PTPRM: variants seen among roughly 807,000 people sequenced by gnomAD.
The protein encoded by PTPRM is receptor-type tyrosine-protein phosphatase mu.
Under a neutral mutation model 186.7 loss-of-function variants are expected in PTPRM, and 47 were observed. The observed-to-expected ratio is 0.25, with a 90% CI of 0.20 to 0.32. PTPRM has a LOEUF of 0.32. Among genes scored for constraint, PTPRM ranks in the 10% least tolerant of loss-of-function variants. The probability of loss-of-function intolerance (pLI) is 1.00; values close to 1 mark genes in which losing one functional copy is unlikely to be tolerated. For missense variants in PTPRM, 1,494 were observed against 1,865.0 expected, an observed-to-expected ratio of 0.80 and a Z score of 3.66; for synonymous variants, 668 against 674.9, an observed-to-expected ratio of 0.99 and a Z score of 0.16.
intron 14 of PTPRM, among the ~76,000 whole-genome samples, chr18:8,224,494 A>G (rs1031770862): frequency 1.3e-5 from 2 of 152,292 alleles, no homozygotes; most frequent in Non-Finnish European, 2.9e-5. Flanking sequence ...ACAGATTGCC[A>G]TTGAGACTTG....
chr18:7,974,885 C>T (rs925283757), intron 7 of PTPRM, among the ~76,000 whole-genome samples: 1 of 152,162 alleles, frequency 6.6e-6, no homozygotes, highest in Non-Finnish European at 1.5e-5. Flanking sequence ...TAACGTACTT[C>T]AGTAATGACA....
chr18:7,915,722 G>A (rs973556492), intron 4 of PTPRM, among the ~76,000 whole-genome samples: 6 of 152,002 alleles, frequency 3.9e-5, no homozygotes, highest in Admixed American at 6.6e-5. Context: ...GCATATATTC[G>A]GAGATAATAA....
intron 14 of PTPRM, among the ~76,000 whole-genome samples, chr18:8,186,387 A>G (rs1179073101): frequency 6.6e-6 from 1 of 151,670 alleles, no homozygotes; most frequent in African/African-American, 2.4e-5. Context: ...GAATCACCCC[A>G]TCTTGATGGT....
intron 5 of PTPRM, among the ~76,000 whole-genome samples, chr18:7,930,764 T>C (rs16952673): frequency 0.028 from 4,285 of 152,212 alleles, 205 homozygotes; most frequent in African/African-American, 0.098. Flanking sequence ...CCTGTGAAAA[T>C]GGCCAAGGTT....
chr18:8,085,764 C>T lies in PTPRM; in HGVS notation c.1645C>T (p.Leu549=). The T allele has an allele frequency of 6.2e-7, 1 of 1,613,074 alleles. No individual in the cohort carries two copies. The highest frequency in any genetic ancestry group is 8.5e-7 in the Non-Finnish European group (1 of 1,179,218). The part of the protein sequence containing the change: ...VSKLGNETHF[L]FFGLYPGTTY... ...AAAGCTGGGAAATGAAACCCATTTTCTGTTTTTTGGACTGTATCCGGGGAC... is the reference window on the plus strand; with the variant it reads ...AAAGCTGGGAAATGAAACCCATTTTTTGTTTTTTGGACTGTATCCGGGGAC... Residue 549 remains leucine (L), a synonymous_variant, in exon 10 of 33, where the codon CTG becomes TTG. Coordinates refer to ENST00000580170, the MANE Select transcript of PTPRM (RefSeq NM_001105244.2).
intron 2 of PTPRM, among the ~76,000 whole-genome samples, chr18:7,842,459 T>G (rs2046371556): frequency 1.3e-5 from 2 of 152,202 alleles, no homozygotes; most frequent in Admixed American, 6.5e-5. Flanking sequence ...GGTGCCTAGT[T>G]GTTTGGTCAA....
intron 2 of PTPRM, among the ~76,000 whole-genome samples, chr18:7,873,439 G>A (rs1047815847): frequency 6.6e-6 from 1 of 152,160 alleles, no homozygotes; most frequent in Non-Finnish European, 1.5e-5. Flanking sequence ...TTTTCTGTGT[G>A]ACCTTAGGGA....
At chr18:7,746,194 C>T (rs1036313004) in intron 1 of PTPRM, among the ~76,000 whole-genome samples, 9 of 151,974 alleles carry the variant, frequency 5.9e-5, no homozygotes, top group African/African-American at 2.2e-4. Flanking sequence ...GGCACATCAT[C>T]ATCAAATAGC....
intron 1 of PTPRM, among the ~76,000 whole-genome samples, chr18:7,769,448 A>G (rs1420869671): frequency 6.6e-6 from 1 of 152,186 alleles, no homozygotes; most frequent in African/African-American, 2.4e-5. Context: ...AGATTTATAT[A>G]TTATTTTATA....
chr18:7,607,274 A>G (rs755527651), intron 1 of PTPRM, among the ~76,000 whole-genome samples: 2 of 152,168 alleles, frequency 1.3e-5, no homozygotes, highest in African/African-American at 4.8e-5. Flanking sequence ...AAGCATGTTT[A>G]TTACAGAAAT....
intron 2 of PTPRM, among the ~76,000 whole-genome samples, chr18:7,842,947 T>TATATAG (rs370746043): frequency 0.055 from 6,137 of 111,884 alleles, 207 homozygotes; most frequent in East Asian, 0.1. Flanking sequence ...TATATATATA[T>TATATAG]AGAGAGAGAG....
chr18:8,184,076 A>G (rs1463875573), intron 14 of PTPRM, among the ~76,000 whole-genome samples: 1 of 152,004 alleles, frequency 6.6e-6, no homozygotes, highest in Non-Finnish European at 1.5e-5. Flanking sequence ...CCTCATCCCA[A>G]AGTTCCTGCC....
Position 8,069,666 on chromosome 18 carries a change from T to C in PTPRM, c.1133-20T>C. The stretch of plus-strand genomic sequence containing the variant: ...TCTTTCTTCTCTCTCATGTTTTCTT[T>C]TGTCTTCTTTTCTAAATAGATCCCA... On this transcript the variant is annotated intron_variant, in intron 7 of 32. Coordinates refer to ENST00000580170, the MANE Select transcript of PTPRM (RefSeq NM_001105244.2). 3.2e-6 allele frequency: 5 copies of C among 1,581,764 alleles called. No individual in the cohort carries two copies. The highest frequency in any genetic ancestry group is 4.3e-6 in the Non-Finnish European group (5 of 1,157,972).
At chr18:7,575,266 C>T (rs748177435) in intron 1 of PTPRM, among the ~76,000 whole-genome samples, 3 of 152,164 alleles carry the variant, frequency 2.0e-5, no homozygotes, top group East Asian at 1.9e-4. Flanking sequence ...TCCCTGCTGC[C>T]GGTTGCTCCT....
At chr18:7,868,512 G>T (rs1191722534) in intron 2 of PTPRM, among the ~76,000 whole-genome samples, 1 of 152,196 alleles carries the variant, frequency 6.6e-6, no homozygotes, top group Non-Finnish European at 1.5e-5. Flanking sequence ...GTTTGCCTGG[G>T]TGTCACCAGT....
At chr18:8,123,634 C>A (rs2092250020) in intron 13 of PTPRM, among the ~76,000 whole-genome samples, 1 of 152,134 alleles carries the variant, frequency 6.6e-6, no homozygotes, top group Non-Finnish European at 1.5e-5. Flanking sequence ...ACAGACTCTT[C>A]CTGCTCCTGA....
Position 7,567,759 on chromosome 18 carries a change from C to T in PTPRM, c.-60C>T. 1 of 1,454,558 alleles carries T rather than the reference C, an allele frequency of 6.9e-7. No homozygotes were observed. Among genetic ancestry groups the T allele is most frequent in the South Asian group, 1.3e-5 (1 of 74,928 alleles). 90.1% of individuals were successfully genotyped at this position (1,454,558 alleles called of 1,614,324 possible). On this transcript the variant is annotated 5_prime_UTR_variant, in exon 1 of 33. Coordinates refer to ENST00000580170, the MANE Select transcript of PTPRM (RefSeq NM_001105244.2). The surrounding 1 kb of genome is among the most constrained non-coding windows in gnomAD (Gnocchi z 4.3). ...CCTCGGAACCAAAGCTCCCGGCCCC[C>T]TCCGCCCTCGCGCGCCCACCCACCG...
intron 2 of PTPRM, among the ~76,000 whole-genome samples, chr18:7,848,252 T>C (rs1406845165): frequency 6.6e-6 from 1 of 152,242 alleles, no homozygotes; most frequent in Non-Finnish European, 1.5e-5. Flanking sequence ...CTTAAATAAG[T>C]TGAACATTTT....
rs80200611 is a variant in PTPRM at position 7,787,218 on chromosome 18, T to G, written c.196+12947T>G. ...ATAAGTGATCTTGCATGTGTCATAT[T>G]TAAATAGTATCTCTCCCCATGTTGC... On this transcript the variant is annotated intron_variant, in intron 2 of 32. Transcript: ENST00000580170. 2.0e-3 allele frequency among the ~76,000 whole-genome samples: 305 copies of G among 152,310 alleles called. 2 individuals are homozygous for G. Among genetic ancestry groups the G allele is most frequent in the African/African-American group, 7.0e-3 (290 of 41,566 alleles).
Sources: gnomAD v4.1 joint callset for allele counts (sites outside exome capture counted in the v4.1 genomes callset) on GRCh38, gnomAD v4.1.1 for gene constraint, Gnocchi (gnomAD v3.1) non-coding constraint, MANE v1.5 for transcripts, NCBI Gene and HGNC (gene_info 2026-07-23, HGNC 2026-07-21) for gene names.